The following NLRP2 variants were observed in gnomAD, a reference collection of about 807,000 sequenced individuals.
The protein encoded by NLRP2 is NLR family pyrin domain containing 2, also known as NACHT, LRR and PYD domains-containing protein 2.
Under a neutral mutation model 97.2 loss-of-function variants are expected in NLRP2, and 107 were observed. The ratio of observed to expected loss-of-function variants is 1.10; its 90% confidence interval spans 0.94 to 1.29. NLRP2 has a LOEUF of 1.29. Among genes scored for constraint, NLRP2 ranks in the 50% most tolerant of loss-of-function variants. NLRP2 has a pLI of 0.00. For synonymous variants in NLRP2, 663 were observed against 551.5 expected, an observed-to-expected ratio of 1.20 and a Z score of -2.83; for missense variants, 1,495 against 1,330.3, an observed-to-expected ratio of 1.12 and a Z score of -1.93.
chr19:54,973,725 A>G, intron 2 of NLRP2: 2 of 434,164 alleles, frequency 4.6e-6, no homozygotes, highest in South Asian at 3.5e-5. Flanking sequence ...TGAAAACGGC[A>G]GGAGGAAACC....
In NLRP2 at chr19:54,997,421, G is replaced by A. The variant is rs751399539; in HGVS notation, c.2984G>A (p.Gly995Glu). The change falls in exon 12 of 13, where the codon GGG becomes GAG. Residue 995 changes from glycine to glutamate, a missense_variant. Coordinates refer to ENST00000448584, the MANE Select transcript of NLRP2 (RefSeq NM_017852.5). ...VTLDLGQNPL[G>E]SSGVKMLFET... ...CTGGACCTGGGTCAGAATCCCTTGG[G>A]GTCTAGTGGAGTGAAGATGCTGTTT... 5 of 1,614,164 alleles carry A rather than the reference G, an allele frequency of 3.1e-6. No individual in the cohort carries two copies. The Admixed American group carries it at 6.7e-5, about 22-fold the overall frequency.
At position 54,991,850 on chromosome 19, in the gene NLRP2, C is replaced by CAAAA. The variant is rs111877236; in HGVS notation, c.2708+1190_2708+1193dup. On this transcript the variant is annotated intron_variant, in intron 10 of 12. Coordinates refer to ENST00000448584, the MANE Select transcript of NLRP2 (RefSeq NM_017852.5). Reference sequence around the variant, plus strand: ...CCTGGGTGACAGAACGAGATTGTCTCAAAAAAAAAAAAAAATTGTATCTGC... The same window carrying CAAAA: ...CCTGGGTGACAGAACGAGATTGTCTCAAAAAAAAAAAAAAAAAAATTGTATCTGC... Among the ~76,000 whole-genome samples the CAAAA allele has an allele frequency of 1.5e-3, 165 of 110,144 alleles. 2 individuals are homozygous for CAAAA. Among genetic ancestry groups the CAAAA allele is most frequent in the African/African-American group, 5.3e-3 (157 of 29,734 alleles). 72.3% of individuals were successfully genotyped at this position (110,144 alleles called of 152,430 possible). A position where few individuals can be genotyped will look rare whatever the true frequency, so the allele number is the denominator to read the frequency against.
rs151148113 is a variant in NLRP2, at chr19:54,976,895, A to G, written c.326-857A>G. The G allele has an allele frequency of 7.8e-3, 3,155 of 403,192 alleles. 93 individuals are homozygous for G. The highest frequency in any genetic ancestry group is 0.069 in the African/African-American group (2,824 of 40,964). 25.0% of individuals were successfully genotyped at this position (403,192 alleles called of 1,614,324 possible). On this transcript the variant is annotated intron_variant, in intron 3 of 12. Coordinates refer to ENST00000448584, the MANE Select transcript of NLRP2 (RefSeq NM_017852.5). The stretch of plus-strand genomic sequence containing the variant: ...AGTGGAGCGATCTTGGCTCACTGCA[A>G]TCTCCGCCTCCTGGGTTCAAGCAAT...
rs1555764995 is a variant in NLRP2, at chr19:54,973,350, T to TTG, written c.281-1149_281-1148insGT. On this transcript the variant is annotated intron_variant, in intron 2 of 12. Coordinates refer to ENST00000448584, the MANE Select transcript of NLRP2 (RefSeq NM_017852.5). ...TCTTTAACAATGGGTGAGGGTTTTT[T>TTG]TTTTTTTTTTTTTGGTTTGGTTTGG... Among the ~76,000 whole-genome samples the TTG allele has an allele frequency of 1.3e-4, 19 of 141,890 alleles. No homozygotes were observed. The East Asian group carries it at 3.7e-3, about 28-fold the overall frequency. 93.1% of individuals were successfully genotyped at this position (141,890 alleles called of 152,430 possible).
Position 54,985,048 on chromosome 19 carries a change from T to C in NLRP2, c.2032T>C (p.Ser678Pro). The C allele has an allele frequency of 1.9e-6, 3 of 1,614,038 alleles. No individual in the cohort carries two copies. The highest frequency in any genetic ancestry group is 2.5e-6 in the Non-Finnish European group (3 of 1,180,002). The change falls in exon 7 of 13, where the codon TCC (serine) becomes CCC (proline). Residue 678 changes from serine to proline, a missense_variant and splice_region_variant. Physicochemically the swap from Ser to Pro is moderately conservative, Grantham distance 74 (BLOSUM62 -1). Coordinates refer to ENST00000448584, the MANE Select transcript of NLRP2 (RefSeq NM_017852.5). ...ASESDAEVER[S>P]QDDQHMLPFW... ...AACCCTTTCTTCTCTTCCCTATAGA[T>C]CCCAGGATGATCAGCACATGCTTCC... is the stretch of plus-strand genomic sequence containing the variant.
At chr19:54,985,997 A>G (rs1261736911) in intron 7 of NLRP2, among the ~76,000 whole-genome samples, 154 bp from the exon 8 acceptor site, 1 of 151,962 alleles carries the variant, frequency 6.6e-6, no homozygotes, top group East Asian at 1.9e-4. Flanking sequence ...GTGAGACTCC[A>G]TCTCAAAGAA....
At chr19:54,973,970 AT>A (rs2071034872) in intron 2 of NLRP2, 2 of 1,095,470 alleles carry the variant, frequency 1.8e-6, no homozygotes, top group East Asian at 2.7e-5. Context: ...GACTAAGCCG[AT>A]TTTCCGGAAA....
In NLRP2 at chr19:55,000,799, G is replaced by A. The variant is rs558351382; in HGVS notation, c.3090G>A (p.Leu1030=). Residue 1030 remains leucine (L), a synonymous_variant, in exon 13 of 13, where the codon CTG becomes CTA. Coordinates refer to ENST00000448584, the MANE Select transcript of NLRP2 (RefSeq NM_017852.5). ...IDDFNDELNK[L]LEEIEEKNPQ... Reference sequence around the variant, plus strand: ...ACTTTAATGATGAACTCAATAAGCTGCTGGAAGAAATAGAAGAAAAAAACC... The same window carrying A: ...ACTTTAATGATGAACTCAATAAGCTACTGGAAGAAATAGAAGAAAAAAACC... The A allele has an allele frequency of 6.2e-6, 10 of 1,613,732 alleles. No individual in the cohort carries two copies. The African/African-American group carries it at 8.0e-5, about 13-fold the overall frequency.
rs766432457 is a variant in NLRP2 at position 54,982,187 on chromosome 19, A to T, written c.489A>T (p.Ile163=). Reference sequence around the variant, plus strand: ...ACAAAGACAATAGGTGCAGGTATATATTGAAGACGAAGTTCCGGGAGATGT... The same window carrying T: ...ACAAAGACAATAGGTGCAGGTATATTTTGAAGACGAAGTTCCGGGAGATGT... ...KPDKDNRCRY[I]LKTKFREMWK... The change falls in exon 6 of 13, where the codon ATA becomes ATT. Residue 163 remains isoleucine, a synonymous_variant. Coordinates refer to ENST00000448584, the MANE Select transcript of NLRP2 (RefSeq NM_017852.5). The T allele has an allele frequency of 6.2e-7, 1 of 1,614,112 alleles. No homozygotes were observed. The highest frequency in any genetic ancestry group is 8.5e-7 in the Non-Finnish European group (1 of 1,180,028).
chr19:54,980,162 T>G (rs1224075191), intron 4 of NLRP2, among the ~76,000 whole-genome samples: 2 of 151,636 alleles, frequency 1.3e-5, no homozygotes, highest in Non-Finnish European at 2.9e-5. Flanking sequence ...GAAATGTGGG[T>G]GAATAGTGCC....
At chr19:54,985,354 T>A in intron 7 of NLRP2, 137 bp downstream of exon 7, 1 of 824,964 alleles carries the variant, frequency 1.2e-6, no homozygotes, top group Non-Finnish European at 2.0e-6. Context: ...GTCCTGTCCT[T>A]AAATTTATTT....
At chr19:54,973,278 C>T (rs1384259139) in intron 2 of NLRP2, among the ~76,000 whole-genome samples, 7 of 149,872 alleles carry the variant, frequency 4.7e-5, no homozygotes, top group African/African-American at 1.7e-4. Context: ...TTAAAAATTG[C>T]CAGTTTTATT....
In NLRP2 at chr19:54,987,829, T is replaced by G. The variant is rs1028326402; in HGVS notation, c.2366+1514T>G. 1.2e-4 allele frequency among the ~76,000 whole-genome samples: 18 copies of G among 151,024 alleles called. 1 individual carries two copies. The highest frequency in any genetic ancestry group is 3.3e-3 in the Middle Eastern group (1 of 306). ...AGGCCAAGGCAGGTGGATCACAAGGTCAGGAGTTCAAGACCAGCCTGGCCA... is the reference window on the plus strand; with the variant it reads ...AGGCCAAGGCAGGTGGATCACAAGGGCAGGAGTTCAAGACCAGCCTGGCCA... On this transcript the variant is annotated intron_variant, in intron 8 of 12. Coordinates refer to ENST00000448584, the MANE Select transcript of NLRP2 (RefSeq NM_017852.5).
At chr19:54,981,169 CTTAT>C (rs562007692) in intron 4 of NLRP2, among the ~76,000 whole-genome samples, 16 of 152,036 alleles carry the variant, frequency 1.1e-4, no homozygotes, top group African/African-American at 3.4e-4. Context: ...TGGAGGAAAG[CTTAT>C]TTATTTATTT....
chr19:54,976,808 C>CTTTTTTTTTTTTT (rs1344091709), intron 3 of NLRP2: 3 of 229,388 alleles, frequency 1.3e-5, no homozygotes, highest in African/African-American at 3.1e-4. Flanking sequence ...ACCTTGTTCT[C>CTTTTTTTTTTTTT]TCTCTTTTTT....
chr19:54,977,725 GCCT>G, intron 3 of NLRP2, 24 bp from the exon 4 acceptor site: 2 of 1,612,286 alleles, frequency 1.2e-6, no homozygotes, highest in Non-Finnish European at 1.7e-6. Flanking sequence ...ACAGCAACAG[GCCT>G]GTAATGCCGC....
At chr19:54,974,592 A>G in intron 3 of NLRP2, 48 bp downstream of exon 3, 2 of 1,291,314 alleles carry the variant, frequency 1.5e-6, no homozygotes, top group South Asian at 1.2e-5. Flanking sequence ...AGATCTGGGG[A>G]CTCGGGCCTT....
Position 54,991,899 on chromosome 19 carries a change from TC to T in NLRP2, c.2708+1228del, listed in dbSNP as rs1256268163. On this transcript the variant is annotated intron_variant, in intron 10 of 12. Transcript: ENST00000448584. ...GCACTGATGGTTTCTGTTCAGAGAT[TC>T]GATTTTATGTTAACATCTCTGGTAT... Among the ~76,000 whole-genome samples, 3 of 150,588 alleles carry T rather than the reference TC, an allele frequency of 2.0e-5. No individual in the cohort carries two copies. In the East Asian group the frequency reaches 5.8e-4, roughly 29 times the overall value.
chr19:54,977,662 A>C, intron 3 of NLRP2, 90 bp from the exon 4 acceptor site: 3 of 1,222,184 alleles, frequency 2.5e-6, no homozygotes, highest in Non-Finnish European at 3.6e-6. Flanking sequence ...TCTAGGCTTC[A>C]CTACTGAGAC....
Sources: allele counts gnomAD v4.1 joint callset (sites outside exome capture counted in the v4.1 genomes callset), GRCh38; gene constraint gnomAD v4.1.1; transcripts MANE v1.5; gene names NCBI Gene and HGNC (gene_info 2026-07-23, HGNC 2026-07-21).